Variants in NXPE2 observed in about 807,000 individuals in gnomAD.
The protein encoded by NXPE2 is neurexophilin and PC-esterase domain family member 2, also known as NXPE family member 2.
In NXPE2, 34 loss-of-function variants were observed where a neutral mutation model predicts 34.4. The observed-to-expected ratio is 0.99, with a 90% CI of 0.75 to 1.31. The LOEUF is 1.31. NXPE2 is among the 40% of genes most tolerant of loss of function. The pLI is 0.00. For synonymous variants in NXPE2, 235 were observed against 231.3 expected (o/e 1.02, Z -0.15); for missense variants, 649 against 672.5 (o/e 0.97, Z 0.39).
the NXPE2 span, among the ~76,000 whole-genome samples, chr11:114,592,148 A>T: frequency 6.6e-6 from 1 of 152,212 alleles, no homozygotes; most frequent in Non-Finnish European, 1.5e-5. Context: ...GTTTTATTCA[A>T]CATAGTATTG....
chr11:114,548,820 G>T, the NXPE2 span, among the ~76,000 whole-genome samples: 1 of 151,646 alleles, frequency 6.6e-6, no homozygotes, highest in Non-Finnish European at 1.5e-5. Context: ...CAAAAGTAAT[G>T]CATTAAAATA....
chr11:114,639,823 AAT>A, the NXPE2 span, among the ~76,000 whole-genome samples: 2 of 118,770 alleles, frequency 1.7e-5, no homozygotes, highest in Admixed American at 1.0e-4. Flanking sequence ...TATAAAATAT[AAT>A]ATATATTATA....
At chr11:114,709,011 A>G (rs1037833427), downstream of NXPE2, among the ~76,000 whole-genome samples, 1 of 152,202 alleles carries the variant, frequency 6.6e-6, no homozygotes, top group African/African-American at 2.4e-5. Flanking sequence ...AACAAATTGA[A>G]TGTTTTAATT....
chr11:114,791,280 G>T, the NXPE2 span, among the ~76,000 whole-genome samples: 1 of 152,104 alleles, frequency 6.6e-6, no homozygotes, highest in Non-Finnish European at 1.5e-5. Flanking sequence ...CTTTGCTGTT[G>T]GTGGTTGTGG....
chr11:114,642,456 A>AT, the NXPE2 span, among the ~76,000 whole-genome samples: 6 of 151,448 alleles, frequency 4.0e-5, no homozygotes, highest in Non-Finnish European at 1.5e-5. Context: ...CAGGTGTGTG[A>AT]TTTTCCCCTC....
At chr11:114,536,895 C>G in the NXPE2 span, among the ~76,000 whole-genome samples, 12 of 152,088 alleles carry the variant, frequency 7.9e-5, no homozygotes, top group Non-Finnish European at 1.2e-4. Context: ...CTATTCCAAT[C>G]AGTAGAAAAC....
At chr11:114,540,885 T>TTTTTTTTTTTTTTTTTTG in the NXPE2 span, among the ~76,000 whole-genome samples, 3 of 81,242 alleles carry the variant, frequency 3.7e-5, 1 homozygote, top group African/African-American at 1.5e-4. Flanking sequence ...TTTTTTTTTT[T>TTTTTTTTTTTTTTTTTTG]GGCTTGAACA....
the NXPE2 span, among the ~76,000 whole-genome samples, chr11:114,663,586 CATCTATCTATCT>C: frequency 7.0e-4 from 93 of 132,992 alleles, no homozygotes; most frequent in African/African-American, 2.3e-3. Context: ...CTCTATCTAT[CATCTATCTATCT>C]ATCTATCTAT....
chr11:114,612,136 C>A, the NXPE2 span, among the ~76,000 whole-genome samples: 1 of 151,958 alleles, frequency 6.6e-6, no homozygotes, highest in Non-Finnish European at 1.5e-5. Context: ...TAATTGTTGC[C>A]TCGTGGGTAA....
chr11:114,464,633 GATAC>G, the NXPE2 span, among the ~76,000 whole-genome samples: 2 of 151,764 alleles, frequency 1.3e-5, no homozygotes, highest in Admixed American at 6.6e-5. Flanking sequence ...AAAAATATGA[GATAC>G]ATAGATAGGA....
chr11:114,799,665 G>C, the NXPE2 span, among the ~76,000 whole-genome samples: 2 of 152,198 alleles, frequency 1.3e-5, no homozygotes, highest in Admixed American at 6.5e-5. Flanking sequence ...GAGGCAGAAG[G>C]GGGAGAGCAG....
chr11:114,718,076 A>G, the NXPE2 span, among the ~76,000 whole-genome samples: 1 of 152,334 alleles, frequency 6.6e-6, no homozygotes, highest in East Asian at 1.9e-4. Flanking sequence ...AACTCAATAT[A>G]TAATTGCTGT....
the NXPE2 span, chr11:114,530,858 G>T: frequency 6.2e-7 from 1 of 1,613,706 alleles, no homozygotes; most frequent in Non-Finnish European, 8.5e-7. Flanking sequence ...AGGACTTTGC[G>T]GAGTTGTTCC....
the NXPE2 span, among the ~76,000 whole-genome samples, chr11:114,802,052 G>A: frequency 6.6e-6 from 1 of 152,148 alleles, no homozygotes; most frequent in Non-Finnish European, 1.5e-5. Flanking sequence ...AGAGTGAATA[G>A]ATAAAGACAA....
chr11:114,698,728 G>C lies in NXPE2; in HGVS notation c.816G>C (p.Arg272Ser), dbSNP rs780629336. Residue 272 changes from arginine (R) to serine (S), a missense_variant, in exon 3 of 6, where the codon AGG (arginine) becomes AGC (serine). Arg to Ser is a moderately radical substitution (Grantham distance 110, BLOSUM62 -1). Coordinates refer to ENST00000389586, the MANE Select transcript of NXPE2 (RefSeq NM_182495.6). The part of the protein sequence containing the change: ...PCEALTHMTT[R>S]TRNISYLSKE... ...AGGCCTTGACCCACATGACCACTAG[G>C]ACAAGAAATATTTCCTATCTTAGCA... 6 of 1,607,952 alleles carry C rather than the reference G, an allele frequency of 3.7e-6. No individual in the cohort carries two copies. Among genetic ancestry groups the C allele is most frequent in the Non-Finnish European group, 5.1e-6 (6 of 1,177,208 alleles).
chr11:114,594,199 C>A, the NXPE2 span, among the ~76,000 whole-genome samples: 1 of 152,000 alleles, frequency 6.6e-6, no homozygotes, highest in Non-Finnish European at 1.5e-5. Context: ...GTTTGTAGCA[C>A]AAGAAAGGAT....
In NXPE2 at chr11:114,706,379, A is replaced by C. The variant is rs564992164; in HGVS notation, c.1145-16A>C. On this transcript the variant is annotated splice_polypyrimidine_tract_variant and intron_variant, in intron 5 of 5. Coordinates refer to ENST00000389586, the MANE Select transcript of NXPE2 (RefSeq NM_182495.6). Reference sequence around the variant, plus strand: ...TTTCCTTTTGTTAAAATATTTATTGATTTGTCTTTCATCAGCCCTAAAATA... The same window carrying C: ...TTTCCTTTTGTTAAAATATTTATTGCTTTGTCTTTCATCAGCCCTAAAATA... 44 of 1,498,994 alleles carry C rather than the reference A, an allele frequency of 2.9e-5. No individual in the cohort carries two copies. The highest frequency in any genetic ancestry group is 3.6e-5 in the Non-Finnish European group (41 of 1,124,548). The allele number at this position is 1,498,994 out of a possible 1,614,324, so 92.9% of individuals were successfully genotyped here.
the NXPE2 span, among the ~76,000 whole-genome samples, chr11:114,557,638 T>C: frequency 2.2e-3 from 5 of 2,306 alleles, no homozygotes; most frequent in African/African-American, 3.3e-3. Flanking sequence ...ATAATACATA[T>C]ATATATATAT....
the NXPE2 span, among the ~76,000 whole-genome samples, chr11:114,811,148 A>C: frequency 6.8e-3 from 921 of 135,546 alleles, 6 homozygotes; most frequent in African/African-American, 0.024. Flanking sequence ...GAACACATGG[A>C]CACAGGAAGG....
Sources: allele counts gnomAD v4.1 joint callset (sites outside exome capture counted in the v4.1 genomes callset), GRCh38; gene constraint gnomAD v4.1.1; transcripts MANE v1.5; gene names NCBI Gene and HGNC (gene_info 2026-07-23, HGNC 2026-07-21).